The following ARHGEF4 variants were observed in gnomAD, a reference collection of about 807,000 sequenced individuals.
ARHGEF4 encodes Rho guanine nucleotide exchange factor 4.
In ARHGEF4, 119 loss-of-function variants were observed where a neutral mutation model predicts 162.0. The observed-to-expected ratio is 0.73, with a 90% confidence interval of 0.63 to 0.86. The LOEUF (loss-of-function observed/expected upper bound fraction) is 0.86. Among genes scored for constraint, ARHGEF4 ranks in the 40% least tolerant of loss-of-function variants. The probability of loss-of-function intolerance (pLI) is 0.00; values close to 1 mark genes in which losing one functional copy is unlikely to be tolerated. For synonymous variants in ARHGEF4, 1,014 were observed against 979.9 expected, an observed-to-expected ratio of 1.03 and a Z score of -0.65; for missense variants, 2,488 against 2,456.0, an observed-to-expected ratio of 1.01 and a Z score of -0.28.
chr2:130,950,651 A>G (rs1336398290), intron 4 of ARHGEF4, among the ~76,000 whole-genome samples: 2 of 151,686 alleles, frequency 1.3e-5, no homozygotes, highest in Non-Finnish European at 2.9e-5. Flanking sequence ...GAACATTGTC[A>G]GCACCTCATA....
At position 130,889,200 on chromosome 2, in the gene ARHGEF4, TA is replaced by T. The variant is rs1208658622; in HGVS notation, c.40-24785del. 5.3e-5 allele frequency among the ~76,000 whole-genome samples: 8 copies of T among 152,250 alleles called. No individual in the cohort carries two copies. The South Asian group carries it at 1.4e-3, about 28-fold the overall frequency. On this transcript the variant is annotated intron_variant, in intron 1 of 13. Transcript: ENST00000409359. ...TACACGTATTTAACTTACCAAATTA[TA>T]CAGTGAATAAACTCCTTTACCTTTC...
In ARHGEF4 at chr2:131,038,836, C is replaced by T. The variant is rs191563353; in HGVS notation, c.4126-17C>T. The T allele has an allele frequency of 4.4e-6, 7 of 1,591,364 alleles. No individual in the cohort carries two copies. The highest frequency in any genetic ancestry group is 4.5e-5 in the East Asian group (2 of 44,366). On this transcript the variant is annotated splice_polypyrimidine_tract_variant and intron_variant, in intron 5 of 13. Coordinates refer to ENST00000409359, the MANE Select transcript of ARHGEF4 (RefSeq NM_001367493.1). ...AGCCTCCCCCACTGACCCGCCTGCC[C>T]GTGGCTCTCTCGGCAGCTCATCAGC...
In ARHGEF4 at chr2:130,976,407, T is replaced by C. The variant is rs567786196; in HGVS notation, c.3985+29772T>C. On this transcript the variant is annotated intron_variant, in intron 4 of 13. Transcript: ENST00000409359. ...CAACTAGTTTCCTGAGGATCATACT[T>C]GGAAAGTGCTTTAGTTTCCTGCTTG... 1.7e-4 allele frequency among the ~76,000 whole-genome samples: 26 copies of C among 151,906 alleles called. No homozygotes were observed. The East Asian group carries it at 4.1e-3, about 24-fold the overall frequency.
chr2:130,873,184 C>A (rs1218849734), intron 1 of ARHGEF4, among the ~76,000 whole-genome samples: 8 of 152,202 alleles, frequency 5.3e-5, no homozygotes. Flanking sequence ...TGTGCTGTGT[C>A]TTCATTATCT....
At chr2:130,993,047 G>A (rs1687148272) in intron 4 of ARHGEF4, among the ~76,000 whole-genome samples, 1 of 152,180 alleles carries the variant, frequency 6.6e-6, no homozygotes, top group African/African-American at 2.4e-5. Context: ...TAGCGTCAGT[G>A]CACTCCAGTC....
At chr2:130,890,831 C>T (rs1171386716) in intron 1 of ARHGEF4, among the ~76,000 whole-genome samples, 1 of 152,046 alleles carries the variant, frequency 6.6e-6, no homozygotes, top group Admixed American at 6.6e-5. Context: ...TCGTTTGAGG[C>T]ACTTTGCATT....
intron 4 of ARHGEF4, among the ~76,000 whole-genome samples, chr2:130,957,549 G>A (rs1422976097): frequency 1.3e-5 from 2 of 152,210 alleles, no homozygotes; most frequent in South Asian, 2.1e-4. Flanking sequence ...TGTAATGATT[G>A]TTGATAACTG....
In ARHGEF4 at chr2:130,917,368, G is replaced by A; in HGVS notation, c.3422G>A (p.Gly1141Asp). The change falls in exon 2 of 14, where the codon GGC (glycine) becomes GAC (aspartate). Residue 1141 changes from glycine (G) to aspartate (D), a missense_variant. Gly to Asp is a moderately conservative substitution (Grantham distance 94). Transcript: ENST00000409359. ...GDPERPKIPKGQTSFLLSLQT... is the reference protein window; with the variant it reads ...GDPERPKIPKDQTSFLLSLQT... ...CCTGAAAGACCCAAGATTCCCAAGG[G>A]CCAGACCAGTTTCCTGCTTTCTCTG... 6.4e-7 allele frequency: 1 copy of A among 1,550,594 alleles called. No homozygotes were observed. Among genetic ancestry groups the A allele is most frequent in the South Asian group, 1.2e-5 (1 of 84,052 alleles).
rs183269501 is a variant in ARHGEF4 at position 130,944,315 on chromosome 2, T to A, written c.3859-2194T>A. ...TGTGTCTGTAAGTTAATGTTTTGAA[T>A]CATATTTGGGATGTTTTCAGAAATT... is the stretch of plus-strand genomic sequence containing the variant. On this transcript the variant is annotated intron_variant, in intron 3 of 13. Transcript: ENST00000409359. 1.9e-3 allele frequency among the ~76,000 whole-genome samples: 287 copies of A among 152,298 alleles called. 3 individuals are homozygous for A. Among genetic ancestry groups the A allele is most frequent in the African/African-American group, 6.6e-3 (274 of 41,562 alleles).
intron 1 of ARHGEF4, among the ~76,000 whole-genome samples, chr2:130,852,957 A>G (rs1470823554): frequency 6.6e-6 from 1 of 152,184 alleles, no homozygotes; most frequent in Non-Finnish European, 1.5e-5. Context: ...GAGCAGACTG[A>G]TCGCCCTGGG....
At chr2:131,019,846 G>A (rs907141690) in intron 4 of ARHGEF4, among the ~76,000 whole-genome samples, 3 of 152,128 alleles carry the variant, frequency 2.0e-5, no homozygotes, top group African/African-American at 7.2e-5. Flanking sequence ...GTGTTAGCCA[G>A]GATGGTCTCG....
intron 13 of ARHGEF4, chr2:131,045,707 G>GTTCC: frequency 2.8e-6 from 4 of 1,447,964 alleles, no homozygotes; most frequent in South Asian, 2.9e-5. Context: ...TTTCCCCAGG[G>GTTCC]TTCCTTCCTG....
chr2:130,899,894 C>A (rs1188823583), intron 1 of ARHGEF4, among the ~76,000 whole-genome samples: 1 of 152,122 alleles, frequency 6.6e-6, no homozygotes, highest in Non-Finnish European at 1.5e-5. Flanking sequence ...GATGTATGAT[C>A]ATGTAGGTGG....
intron 1 of ARHGEF4, among the ~76,000 whole-genome samples, chr2:130,850,389 C>T (rs1681322602): frequency 6.6e-6 from 1 of 152,206 alleles, no homozygotes; most frequent in African/African-American, 2.4e-5. Context: ...GCCTAGGCAG[C>T]TGCTGCTGCC....
intron 4 of ARHGEF4, among the ~76,000 whole-genome samples, chr2:130,984,734 G>A (rs187060663): frequency 2.0e-5 from 3 of 150,394 alleles, no homozygotes; most frequent in Non-Finnish European, 4.4e-5. Flanking sequence ...AATTTCCCAT[G>A]ACTATATCAG....
At chr2:131,021,080 AT>A (rs2105353303) in intron 4 of ARHGEF4, among the ~76,000 whole-genome samples, 1 of 152,230 alleles carries the variant, frequency 6.6e-6, no homozygotes, top group African/African-American at 2.4e-5. Flanking sequence ...TAGATTCTGG[AT>A]ATTAGCCCTT....
chr2:131,039,033 G>A lies in ARHGEF4; in HGVS notation c.4305+1G>A. The A allele has an allele frequency of 6.2e-7, 1 of 1,609,040 alleles. No homozygotes were observed. The highest frequency in any genetic ancestry group is 8.5e-7 in the Non-Finnish European group (1 of 1,177,590). On this transcript the variant is annotated splice_donor_variant, in intron 6 of 13. Transcript: ENST00000409359. LOFTEE classifies it high-confidence loss of function. ...CTGGTTTCCAGCCAGCTTCGTTCGG[G>A]TATGGTTCCAAGCCCCAGCTTCTCC...
intron 4 of ARHGEF4, among the ~76,000 whole-genome samples, chr2:130,983,378 A>G (rs527761754): frequency 1.8e-4 from 27 of 152,354 alleles, no homozygotes; most frequent in African/African-American, 6.3e-4. Context: ...TTATCAAAAA[A>G]TTTGCATGAA....
intron 4 of ARHGEF4, among the ~76,000 whole-genome samples, chr2:131,019,412 CAA>C (rs200279490): frequency 7.4e-6 from 1 of 135,404 alleles, no homozygotes. Flanking sequence ...AACTCTGTCT[CAA>C]AAAAAAAAAG....
Sources: allele counts gnomAD v4.1 joint callset (sites outside exome capture counted in the v4.1 genomes callset), GRCh38; gene constraint gnomAD v4.1.1; transcripts MANE v1.5; gene names NCBI Gene and HGNC (gene_info 2026-07-23, HGNC 2026-07-21).